PTPRB: variants seen among roughly 807,000 people sequenced by gnomAD.
The protein encoded by PTPRB is protein tyrosine phosphatase receptor type B, also known as receptor-type tyrosine-protein phosphatase beta.
In PTPRB, 97 loss-of-function variants were observed where a neutral mutation model predicts 238.1. The ratio of observed to expected loss-of-function variants is 0.41; its 90% CI spans 0.35 to 0.48. The LOEUF (loss-of-function observed/expected upper bound fraction) is 0.48, where lower values mean the gene tolerates loss of function less well. Ranked by LOEUF, PTPRB falls within the 20% of genes least tolerant of loss-of-function variation. The pLI, the probability that PTPRB is intolerant of heterozygous loss-of-function variation, is 0.30. For missense variants in PTPRB, 2,292 were observed against 2,681.9 expected, an observed-to-expected ratio of 0.85 and a Z score of 3.21; for synonymous variants, 970 against 995.4, an observed-to-expected ratio of 0.97 and a Z score of 0.48.
At chr12:70,535,248 TTTC>T in intron 29 of PTPRB, among the ~76,000 whole-genome samples, 1 of 127,416 alleles carries the variant, frequency 7.8e-6, no homozygotes, top group Admixed American at 7.7e-5. Context: ...TTTTTTTTTT[TTTC>T]CCCTCAGCAT....
chr12:70,540,982 C>A, intron 22 of PTPRB, 25 bp from the exon 23 acceptor site: 1 of 1,563,870 alleles, frequency 6.4e-7, no homozygotes, highest in Non-Finnish European at 8.7e-7. Context: ...ATAGAAACAA[C>A]AAACGCAGGT....
intron 14 of PTPRB, among the ~76,000 whole-genome samples, chr12:70,567,657 AGTCACTTGT>A (rs1879479481): frequency 6.6e-6 from 1 of 152,192 alleles, no homozygotes; most frequent in African/African-American, 2.4e-5. Context: ...CCTATTGACC[AGTCACTTGT>A]GTCCTTACCT....
chr12:70,614,816 A>G (rs1191071162), intron 3 of PTPRB, among the ~76,000 whole-genome samples: 1 of 152,222 alleles, frequency 6.6e-6, no homozygotes, highest in Non-Finnish European at 1.5e-5. Flanking sequence ...GGCAAAAGTG[A>G]ATACAATTTT....
chr12:70,585,805 C>T (rs1010061082), intron 9 of PTPRB, among the ~76,000 whole-genome samples: 1 of 151,700 alleles, frequency 6.6e-6, no homozygotes, highest in African/African-American at 2.4e-5. Context: ...CGACCCCCGA[C>T]CCCACAACAG....
At chr12:70,531,502 G>T (rs1352191115) in intron 32 of PTPRB, among the ~76,000 whole-genome samples, 2 of 152,130 alleles carry the variant, frequency 1.3e-5, no homozygotes, top group Non-Finnish European at 2.9e-5. Context: ...TAGAATAGTG[G>T]CCAAGCCACC....
chr12:70,576,965 A>G (rs1486314368), intron 10 of PTPRB, among the ~76,000 whole-genome samples: 1 of 152,204 alleles, frequency 6.6e-6, no homozygotes, highest in Non-Finnish European at 1.5e-5. Flanking sequence ...ACATCCTTAT[A>G]CAATGTTTTA....
chr12:70,576,264 A>C (rs11837718), intron 11 of PTPRB, 118 bp downstream of exon 11: 60,689 of 1,119,790 alleles, frequency 0.054, 3,146 homozygotes, highest in African/African-American at 0.25. Flanking sequence ...ACTTCATAAC[A>C]GTTTTGTGAT....
chr12:70,620,674 T>A lies in PTPRB; in HGVS notation c.708+1716A>T, dbSNP rs1884889454. Among the ~76,000 whole-genome samples, 3 of 152,138 alleles carry A rather than the reference T, an allele frequency of 2.0e-5. No individual in the cohort carries two copies. In the South Asian group the frequency reaches 6.2e-4, roughly 32 times the overall value. ...TTTCAAAAGTAAGTGGTGATACTAT[T>A]CAGCCATGAAAAAGAATGAAATCAT... On this transcript the variant is annotated intron_variant, in intron 3 of 33. Transcript: ENST00000334414.
intron 2 of PTPRB, among the ~76,000 whole-genome samples, chr12:70,625,393 C>A (rs1203672311): frequency 1.3e-5 from 2 of 152,104 alleles, no homozygotes; most frequent in Non-Finnish European, 2.9e-5. Flanking sequence ...TAACAAGTTT[C>A]TCAGGTGATT....
intron 2 of PTPRB, among the ~76,000 whole-genome samples, chr12:70,627,857 T>G (rs573933780): frequency 6.6e-6 from 1 of 152,326 alleles, no homozygotes; most frequent in Admixed American, 6.5e-5. Context: ...AAAGGCACTT[T>G]CTGTTTTGTT....
intron 7 of PTPRB, 54 bp downstream of exon 7, chr12:70,592,228 T>C (rs878963705): frequency 1.2e-6 from 2 of 1,611,036 alleles, no homozygotes; most frequent in South Asian, 2.2e-5. Flanking sequence ...TATTTTAAGG[T>C]GGATCAGAGA....
rs142801683 is a variant in PTPRB at position 70,617,891 on chromosome 12, A to T, written c.708+4499T>A. 2.2e-3 allele frequency among the ~76,000 whole-genome samples: 338 copies of T among 152,344 alleles called. 2 individuals are homozygous for T. The highest frequency in any genetic ancestry group is 0.01 in the Middle Eastern group (3 of 294). The stretch of plus-strand genomic sequence containing the variant: ...GAAAGATTTAGAGATATTTAGCAGT[A>T]TCAGAACCAGCCAGTAACATTTCTA... On this transcript the variant is annotated intron_variant, in intron 3 of 33. Transcript: ENST00000334414.
intron 14 of PTPRB, among the ~76,000 whole-genome samples, chr12:70,567,261 C>T (rs995824073): frequency 4.6e-5 from 7 of 152,124 alleles, no homozygotes; most frequent in Admixed American, 2.0e-4. Flanking sequence ...TCCTAGATTT[C>T]GTCTATGTCC....
Position 70,553,019 on chromosome 12 carries a change from G to T in PTPRB, c.5145C>A (p.Gly1715=), listed in dbSNP as rs1327476937. 1 of 1,612,618 alleles carries T rather than the reference G, an allele frequency of 6.2e-7. No homozygotes were observed. ...YFTVVVREAD[G]SDELKPEQQH... The stretch of plus-strand genomic sequence containing the variant: ...GCTGTTCTGGCTTCAGCTCATCACT[G>T]CCTGGAGGAGAAAACCCACAGTTAA... The change falls in exon 21 of 34, where the codon GGC becomes GGA. Residue 1715 remains glycine, a splice_region_variant and synonymous_variant. Transcript: ENST00000334414.
intron 8 of PTPRB, among the ~76,000 whole-genome samples, chr12:70,587,708 A>G (rs1882059196): frequency 6.6e-6 from 1 of 152,178 alleles, no homozygotes; most frequent in Non-Finnish European, 1.5e-5. Context: ...TGTTCATGGA[A>G]GGGCGAGTTG....
intron 3 of PTPRB, among the ~76,000 whole-genome samples, chr12:70,619,856 T>C (rs1164444398): frequency 1.3e-5 from 2 of 152,210 alleles, no homozygotes; most frequent in Admixed American, 6.5e-5. Context: ...CGAGACAGAG[T>C]ACCTTTTGAA....
rs746836724 is a variant in PTPRB at position 70,539,864 on chromosome 12, G to A, written c.5679-20C>T. 1.3e-6 allele frequency: 2 copies of A among 1,576,512 alleles called. No homozygotes were observed. Among genetic ancestry groups the A allele is most frequent in the Non-Finnish European group, 1.7e-6 (2 of 1,145,766 alleles). ...CGGTTACTGTGAAGAGAAGCCAAAA[G>A]AGGAAGACTTTGTTAGCAAATTTCA... is the stretch of plus-strand genomic sequence containing the variant. On this transcript the variant is annotated intron_variant, in intron 24 of 33. Transcript: ENST00000334414.
chr12:70,560,583 T>A lies in PTPRB; in HGVS notation c.4432+88A>T. 1 of 1,540,938 alleles carries A rather than the reference T, an allele frequency of 6.5e-7. No homozygotes were observed. Reference sequence around the variant, plus strand: ...GCTCAGGGTATATCATTATTGGCTTTATCTCTTGTCATTAAAATCAGAATC... The same window carrying A: ...GCTCAGGGTATATCATTATTGGCTTAATCTCTTGTCATTAAAATCAGAATC... On this transcript the variant is annotated intron_variant, in intron 17 of 33. Transcript: ENST00000334414. This position sits in a 1 kb window ranked among gnomAD's most constrained non-coding sequence, Gnocchi z 4.2.
chr12:70,583,424 T>C lies in PTPRB; in HGVS notation c.2312-2122A>G, dbSNP rs564051515. On this transcript the variant is annotated intron_variant, in intron 9 of 33. Coordinates refer to ENST00000334414, the MANE Select transcript of PTPRB (RefSeq NM_001109754.4). The stretch of plus-strand genomic sequence containing the variant: ...GGTAATTGGATCATAAAGCGAACTG[T>C]TGTGTTGAGAGCACCTTTCAAATGC... Among the ~76,000 whole-genome samples, 4 of 152,224 alleles carry C rather than the reference T, an allele frequency of 2.6e-5. No individual in the cohort carries two copies. In the East Asian group the frequency reaches 7.7e-4, roughly 29 times the overall value.
Sources: allele counts gnomAD v4.1 joint callset (sites outside exome capture counted in the v4.1 genomes callset), GRCh38; gene constraint gnomAD v4.1.1; non-coding constraint Gnocchi (gnomAD v3.1); transcripts MANE v1.5; gene names NCBI Gene and HGNC (gene_info 2026-07-23, HGNC 2026-07-21).